Variants in GRIA3 observed in about 807,000 individuals in gnomAD.
The protein encoded by GRIA3 is glutamate receptor 3.
A neutral mutation model predicts 63.0 loss-of-function variants in GRIA3; 3 were observed. That is an observed-to-expected ratio of 0.05 (90% CI 0.02 to 0.12). GRIA3 has a LOEUF of 0.12. GRIA3 is among the 10% of genes least tolerant of loss of function. The pLI, the probability that GRIA3 is intolerant of heterozygous loss-of-function variation, is 1.00. For synonymous variants in GRIA3, 274 were observed against 257.9 expected (o/e 1.06, Z -0.60); for missense variants, 347 against 700.9 (o/e 0.50, Z 5.70).
intron 5 of GRIA3, among the ~76,000 whole-genome samples, chrX:123,360,692 T>C (rs1332265954): frequency 2.5e-4 from 8 of 32,144 alleles, no homozygotes; most frequent in African/African-American, 1.4e-3. Flanking sequence ...CAAGACTCTG[T>C]CTCAAAAAAA....
chrX:123,453,225 G>A (rs1271734556), intron 12 of GRIA3, among the ~76,000 whole-genome samples: 1 of 111,741 alleles, frequency 8.9e-6, no homozygotes, highest in South Asian at 3.8e-4. Flanking sequence ...AAAAGGATGA[G>A]TTCATGTCCT....
At chrX:123,377,407 A>C (rs958717617) in intron 5 of GRIA3, among the ~76,000 whole-genome samples, 1 of 112,212 alleles carries the variant, frequency 8.9e-6, no homozygotes, top group African/African-American at 3.2e-5. Context: ...GCTTGAACCC[A>C]AATTAAATGG....
chrX:123,284,364 C>T (rs1371715759), intron 3 of GRIA3, among the ~76,000 whole-genome samples: 1 of 111,526 alleles, frequency 9.0e-6, no homozygotes, highest in Non-Finnish European at 1.9e-5. Context: ...CACAACTCCT[C>T]GCTAGCAAGG....
intron 2 of GRIA3, among the ~76,000 whole-genome samples, chrX:123,227,723 T>G (rs183586509): frequency 7.8e-4 from 88 of 112,252 alleles, no homozygotes; most frequent in African/African-American, 2.7e-3. Flanking sequence ...GCAAACTAAT[T>G]TGGGAGGCAG....
At chrX:123,184,911 G>A (rs1233694834) in intron 1 of GRIA3, 1 of 462,613 alleles carries the variant, frequency 2.2e-6, no homozygotes, top group East Asian at 4.4e-5. Flanking sequence ...CGAGCCGAGA[G>A]GAGCACCGGA....
intron 2 of GRIA3, chrX:123,204,252 G>A: frequency 2.0e-6 from 1 of 498,591 alleles, no homozygotes; most frequent in Non-Finnish European, 3.6e-6. Context: ...CTACTTAGAT[G>A]AGTGCTACTT....
chrX:123,458,982 C>T lies in GRIA3; in HGVS notation c.2077-5883C>T, dbSNP rs1319202271. On this transcript the variant is annotated intron_variant, in intron 12 of 15. Transcript: ENST00000620443. The stretch of plus-strand genomic sequence containing the variant: ...ATGGCACTGAAGTAATTTATAATAC[C>T]ATTAAAATAAATTCTGTCAGTAAAA... 6.3e-5 allele frequency among the ~76,000 whole-genome samples: 7 copies of T among 111,430 alleles called. No homozygotes were observed. The East Asian group carries it at 1.7e-3, about 27-fold the overall frequency.
chrX:123,359,125 C>T (rs1303861453), intron 5 of GRIA3, among the ~76,000 whole-genome samples: 1 of 111,506 alleles, frequency 9.0e-6, no homozygotes, highest in Non-Finnish European at 1.9e-5. Flanking sequence ...CCAAAATGTA[C>T]ATGAGATGAT....
intron 2 of GRIA3, among the ~76,000 whole-genome samples, chrX:123,206,104 T>A (rs1019685202): frequency 8.9e-6 from 1 of 111,829 alleles, no homozygotes; most frequent in African/African-American, 3.3e-5. Context: ...AAAACATAAC[T>A]CATGTAAGAA....
intron 3 of GRIA3, among the ~76,000 whole-genome samples, chrX:123,310,073 T>C (rs183031731): frequency 9.1e-4 from 102 of 112,682 alleles, no homozygotes; most frequent in African/African-American, 3.2e-3. Context: ...GCATAGAAGC[T>C]CTTTGGGCAT....
intron 2 of GRIA3, among the ~76,000 whole-genome samples, chrX:123,242,758 G>A (rs2044336954): frequency 8.9e-6 from 1 of 112,566 alleles, no homozygotes; most frequent in Admixed American, 9.4e-5. Flanking sequence ...GGCAGAGCAG[G>A]TGTTAGCATT....
chrX:123,267,592 A>G (rs1012344922), intron 3 of GRIA3, among the ~76,000 whole-genome samples: 2 of 112,310 alleles, frequency 1.8e-5, no homozygotes, highest in African/African-American at 6.5e-5. Flanking sequence ...CCTAATGAAA[A>G]ACTAAAGAAG....
chrX:123,256,039 C>T (rs1002922714), intron 3 of GRIA3, among the ~76,000 whole-genome samples: 2 of 111,567 alleles, frequency 1.8e-5, no homozygotes, highest in African/African-American at 6.5e-5. Context: ...TCCCATTTTC[C>T]ACTGCTGCCT....
intron 3 of GRIA3, among the ~76,000 whole-genome samples, chrX:123,310,934 T>C (rs751067250): frequency 5.6e-5 from 6 of 107,535 alleles, no homozygotes; most frequent in Non-Finnish European, 1.1e-4. Context: ...ACCCAGGACA[T>C]AGAGGTTGCA....
chrX:123,271,236 G>A (rs1363058590), intron 3 of GRIA3, among the ~76,000 whole-genome samples: 8 of 111,595 alleles, frequency 7.2e-5, no homozygotes, highest in Non-Finnish European at 1.5e-4. Context: ...CAAAATTATT[G>A]TTTAACTGGA....
intron 12 of GRIA3, among the ~76,000 whole-genome samples, chrX:123,440,573 T>C (rs1261759807): frequency 8.9e-6 from 1 of 112,922 alleles, no homozygotes; most frequent in Non-Finnish European, 1.9e-5. Context: ...TTTCATATGC[T>C]TGTTGGCCGC....
Position 123,262,788 on chromosome X carries a change from G to T in GRIA3, c.508+9246G>T, listed in dbSNP as rs765403758. ...TGATAGGCAGGCTGGACTAGCCAGG[G>T]AAGGCTTAATGGAAGAAGTTATAAA... On this transcript the variant is annotated intron_variant, in intron 3 of 15. Transcript: ENST00000620443. Among the ~76,000 whole-genome samples the T allele has an allele frequency of 4.5e-5, 5 of 111,513 alleles. 1 individual carries two copies. The South Asian group carries it at 1.9e-3, about 42-fold the overall frequency.
chrX:123,372,696 G>A (rs2045255079), intron 5 of GRIA3, among the ~76,000 whole-genome samples: 1 of 110,973 alleles, frequency 9.0e-6, no homozygotes, highest in African/African-American at 3.3e-5. Flanking sequence ...ATATAGAAAT[G>A]CTACTGATTT....
At chrX:123,291,572 T>TA (rs1268123035) in intron 3 of GRIA3, among the ~76,000 whole-genome samples, 1 of 110,974 alleles carries the variant, frequency 9.0e-6, no homozygotes, top group Non-Finnish European at 1.9e-5. Context: ...AAATTATTTT[T>TA]AAAAAAAGAA....
Sources: allele counts gnomAD v4.1 joint callset (sites outside exome capture counted in the v4.1 genomes callset), GRCh38; gene constraint gnomAD v4.1.1; transcripts MANE v1.5; gene names NCBI Gene and HGNC (gene_info 2026-07-23, HGNC 2026-07-21).